GBA1: variants seen among roughly 807,000 people sequenced by gnomAD.
GBA1 encodes the protein lysosomal acid glucosylceramidase.
the GBA1 span, chr1:155,240,307 T>C: frequency 1.7e-6 from 1 of 603,434 alleles, no homozygotes; most frequent in Non-Finnish European, 2.9e-6. Flanking sequence ...CTACTAAAAA[T>C]ACAAAAATTA....
At chr1:155,244,002 T>A in the GBA1 span, 3 of 152,446 alleles carry the variant, frequency 2.0e-5, no homozygotes, top group Admixed American at 6.5e-5. Flanking sequence ...TTACATAACC[T>A]TCTTCCCACT....
the GBA1 span, chr1:155,237,718 C>G: frequency 1.3e-6 from 2 of 1,523,514 alleles, no homozygotes; most frequent in African/African-American, 2.8e-5. Flanking sequence ...CGAGAACAGC[C>G]TGGCGAAACC....
the GBA1 span, chr1:155,240,564 C>T: frequency 2.4e-6 from 3 of 1,258,068 alleles, no homozygotes; most frequent in Non-Finnish European, 3.5e-6. Flanking sequence ...TACTGGAAGG[C>T]TACCAAAGGA....
chr1:155,237,271 A>C, the GBA1 span: 9 of 1,612,216 alleles, frequency 5.6e-6, no homozygotes, highest in East Asian at 2.0e-4. Context: ...AATCGCTCTA[A>C]GTTTGGGAGC....
the GBA1 span, chr1:155,237,930 A>G: frequency 2.9e-6 from 2 of 678,810 alleles, no homozygotes. Flanking sequence ...AGAAAAATAA[A>G]AAGAAAGTGG....
the GBA1 span, among the ~76,000 whole-genome samples, chr1:155,241,918 C>T: frequency 6.6e-6 from 1 of 152,180 alleles, no homozygotes; most frequent in South Asian, 2.1e-4. Flanking sequence ...TTCTTCCTTC[C>T]TCACAAGACA....
the GBA1 span, chr1:155,240,022 G>A: frequency 1.9e-6 from 3 of 1,613,888 alleles, no homozygotes; most frequent in African/African-American, 1.3e-5. Context: ...ATGTGGCATT[G>A]CAGACACACA....
At chr1:155,239,021 A>G in the GBA1 span, 1 of 338,992 alleles carries the variant, frequency 2.9e-6, no homozygotes, top group Non-Finnish European at 5.8e-6. Context: ...GTTCGCAATC[A>G]TCCTGGCCAA....
the GBA1 span, chr1:155,240,270 C>A: frequency 1.6e-6 from 1 of 615,348 alleles, no homozygotes; most frequent in South Asian, 2.0e-5. Flanking sequence ...TTGAGACCTG[C>A]CTTGCCAGCA....
chr1:155,235,256 C>A, the GBA1 span: 1 of 1,613,852 alleles, frequency 6.2e-7, no homozygotes, highest in Non-Finnish European at 8.5e-7. Flanking sequence ...GCGTCCAGGT[C>A]GTTCTTCTGA....
At chr1:155,239,305 A>G in the GBA1 span, among the ~76,000 whole-genome samples, 1 of 152,086 alleles carries the variant, frequency 6.6e-6, no homozygotes, top group Non-Finnish European at 1.5e-5. Flanking sequence ...CAAGGCAGGT[A>G]TATCATTTGA....
At chr1:155,236,159 G>A in the GBA1 span, 1 of 1,190,730 alleles carries the variant, frequency 8.4e-7, no homozygotes, top group Non-Finnish European at 1.2e-6. Context: ...GGGAAAGCTG[G>A]ACAGGAAGGG....
At chr1:155,244,261 G>T in the GBA1 span, 1 of 152,072 alleles carries the variant, frequency 6.6e-6, no homozygotes, top group South Asian at 2.1e-4. Context: ...TTAGCCGTGC[G>T]TGGTGGCGGG....
At chr1:155,236,245 C>T in the GBA1 span, 356 of 1,613,270 alleles carry the variant, frequency 2.2e-4, no homozygotes, top group Middle Eastern at 1.3e-3. Context: ...GGTGGCTTAC[C>T]GTGATGATGC....
the GBA1 span, chr1:155,235,911 G>C: frequency 6.3e-7 from 1 of 1,598,786 alleles, no homozygotes; most frequent in Non-Finnish European, 8.6e-7. Context: ...GTGTAGGTAA[G>C]GGTCACATGT....
At chr1:155,236,202 G>T in the GBA1 span, 1 of 1,520,650 alleles carries the variant, frequency 6.6e-7, no homozygotes, top group Non-Finnish European at 9.1e-7. Context: ...CTAGTAAGAG[G>T]TCTGAGGTCT....
At chr1:155,239,508 C>T in the GBA1 span, 4 of 1,249,308 alleles carry the variant, frequency 3.2e-6, no homozygotes, top group African/African-American at 1.5e-5. Context: ...TCCTGTCTCG[C>T]CGACAGAATG....
the GBA1 span, chr1:155,236,562 A>C: frequency 2.0e-6 from 2 of 1,009,860 alleles, no homozygotes; most frequent in Admixed American, 3.9e-5. Flanking sequence ...GGGTGACGGG[A>C]AGAATGCAAC....
At chr1:155,243,045 TG>T in the GBA1 span, among the ~76,000 whole-genome samples, 1 of 152,244 alleles carries the variant, frequency 6.6e-6, no homozygotes, top group Admixed American at 6.5e-5. Flanking sequence ...ACAGAATTGT[TG>T]TGAGGTTTGA....
Sources: gnomAD v4.1 joint callset for allele counts (sites outside exome capture counted in the v4.1 genomes callset) on GRCh38, gnomAD v4.1.1 for gene constraint, MANE v1.5 for transcripts, NCBI Gene and HGNC (gene_info 2026-07-23, HGNC 2026-07-21) for gene names.